The following PPFIA2 variants were observed in gnomAD, a reference collection of about 807,000 sequenced individuals.
PPFIA2 encodes the protein liprin-alpha-2.
PPFIA2 carries 46 observed loss-of-function variants against 175.5 expected under a neutral mutation model. The ratio of observed to expected loss-of-function variants is 0.26; its 90% CI spans 0.21 to 0.34. The LOEUF is 0.34. PPFIA2 is among the 10% of genes least tolerant of loss of function. The pLI, the probability that PPFIA2 is intolerant of heterozygous loss-of-function variation, is 1.00. For missense variants in PPFIA2, 1,179 were observed against 1,506.1 expected (o/e 0.78, Z 3.60); for synonymous variants, 568 against 511.4 (o/e 1.11, Z -1.49).
chr12:81,720,345 G>C (rs912030644), intron 3 of PPFIA2, among the ~76,000 whole-genome samples: 1 of 151,490 alleles, frequency 6.6e-6, no homozygotes, highest in Admixed American at 6.6e-5. Context: ...AATACATTTG[G>C]ATCTGCATGT....
intron 20 of PPFIA2, among the ~76,000 whole-genome samples, chr12:81,340,384 C>A (rs953757473): frequency 6.6e-6 from 1 of 152,006 alleles, no homozygotes; most frequent in African/African-American, 2.4e-5. Flanking sequence ...TATGTGTCTA[C>A]AGATGCTGCA....
chr12:81,715,942 AT>A (rs1196175678), intron 3 of PPFIA2, among the ~76,000 whole-genome samples: 1 of 151,610 alleles, frequency 6.6e-6, no homozygotes, highest in Non-Finnish European at 1.5e-5. Context: ...TCACAGTTCA[AT>A]TAAAAACTTT....
At chr12:81,683,105 C>T (rs1025804768) in intron 3 of PPFIA2, among the ~76,000 whole-genome samples, 1 of 151,962 alleles carries the variant, frequency 6.6e-6, no homozygotes, top group Non-Finnish European at 1.5e-5. Flanking sequence ...TGCAATAATG[C>T]AAAATTAAAC....
intron 4 of PPFIA2, among the ~76,000 whole-genome samples, chr12:81,590,724 C>T (rs541080931): frequency 1.3e-5 from 2 of 152,212 alleles, no homozygotes; most frequent in East Asian, 3.9e-4. Context: ...AGCTCTCTCT[C>T]TTTGCCTGCC....
chr12:81,323,098 C>T (rs760197215), intron 22 of PPFIA2, among the ~76,000 whole-genome samples: 6 of 152,076 alleles, frequency 3.9e-5, no homozygotes, highest in Non-Finnish European at 8.8e-5. Context: ...AAGTAACTCC[C>T]CCATATGGCT....
intron 22 of PPFIA2, among the ~76,000 whole-genome samples, chr12:81,305,583 T>G (rs765672617): frequency 1.3e-5 from 2 of 152,166 alleles, no homozygotes; most frequent in Non-Finnish European, 2.9e-5. Context: ...TGACTTTCTC[T>G]CCATTTGGAA....
rs184284721 is a variant in PPFIA2, at chr12:81,711,733, T to C, written c.250-34889A>G. Among the ~76,000 whole-genome samples, 164 of 151,194 alleles carry C rather than the reference T, an allele frequency of 1.1e-3. 1 individual carries two copies. The highest frequency in any genetic ancestry group is 3.4e-3 in the Middle Eastern group (1 of 294). On this transcript the variant is annotated intron_variant, in intron 3 of 32. Transcript: ENST00000549396. ...CTACTAAAAGGCACACAAGTGTATC[T>C]TTCCGTCTCTGTGGTGAAGCTTCTC...
In PPFIA2 at chr12:81,604,568, A is replaced by G. The variant is rs565390114; in HGVS notation, c.303+72223T>C. 8.0e-5 allele frequency among the ~76,000 whole-genome samples: 12 copies of G among 149,736 alleles called. 1 individual carries two copies. In the South Asian group the frequency reaches 2.5e-3, roughly 31 times the overall value. On this transcript the variant is annotated intron_variant, in intron 4 of 32. Coordinates refer to ENST00000549396, the MANE Select transcript of PPFIA2 (RefSeq NM_003625.5). Reference sequence around the variant, plus strand: ...TTCATTCTTAGTTTGATTGCTTTCAATTTATCATAAAACTATTTCAATCGA... The same window carrying G: ...TTCATTCTTAGTTTGATTGCTTTCAGTTTATCATAAAACTATTTCAATCGA...
chr12:81,378,128 G>A (rs929374676), intron 9 of PPFIA2: 3 of 152,166 alleles, frequency 2.0e-5, no homozygotes, highest in African/African-American at 7.2e-5. Context: ...AAGGGGGGAA[G>A]AAGAAATCTC....
At chr12:81,515,031 A>G (rs2062240202) in intron 4 of PPFIA2, among the ~76,000 whole-genome samples, 1 of 151,958 alleles carries the variant, frequency 6.6e-6, no homozygotes, top group Non-Finnish European at 1.5e-5. Context: ...ATTTAATGAG[A>G]GAGAAAGTAT....
chr12:81,756,775 G>A (rs2084743929), intron 2 of PPFIA2, among the ~76,000 whole-genome samples: 1 of 152,088 alleles, frequency 6.6e-6, no homozygotes, highest in Non-Finnish European at 1.5e-5. Context: ...ATTATAAAGT[G>A]ATCAACATTA....
chr12:81,339,192 G>C lies in PPFIA2; in HGVS notation c.2536C>G (p.Leu846Val). 6.3e-7 allele frequency: 1 copy of C among 1,599,622 alleles called. No homozygotes were observed. The highest frequency in any genetic ancestry group is 8.5e-7 in the Non-Finnish European group (1 of 1,173,338). The change falls in exon 21 of 33, where the codon CTT (leucine) becomes GTT (valine). Residue 846 changes from leucine to valine, a missense_variant. Physicochemically the swap from Leu to Val is conservative, Grantham distance 32 (BLOSUM62 1). This residue lies in a region of PPFIA2 where 223 missense variants were observed against 241.6 expected (regional missense o/e 0.92). Transcript: ENST00000549396. ...RLFGKKEKAR[L>V]GQLRGFMETE... ...CATGCATACTTACGGAGCTGCCCAA[G>C]TCGAGCTTTTTCTTTTTTACCAAAC...
intron 4 of PPFIA2, among the ~76,000 whole-genome samples, chr12:81,524,292 C>A (rs2063494685): frequency 6.6e-6 from 1 of 152,124 alleles, no homozygotes; most frequent in Admixed American, 6.5e-5. Context: ...CCAGCAAAAC[C>A]AAGCAGGGAT....
At chr12:81,473,985 A>C (rs1359479151) in intron 4 of PPFIA2, among the ~76,000 whole-genome samples, 1 of 152,158 alleles carries the variant, frequency 6.6e-6, no homozygotes, top group Non-Finnish European at 1.5e-5. Flanking sequence ...GTGTATTCAG[A>C]TGTTCTTTCT....
rs138217978 is a variant in PPFIA2 at position 81,390,646 on chromosome 12, C to T, written c.763-6402G>A. ...TACATGTATTTTTATTGTTGATTTA[C>T]ATGAATTTTTTACATATATTTTGAT... On this transcript the variant is annotated intron_variant, in intron 8 of 32. Coordinates refer to ENST00000549396, the MANE Select transcript of PPFIA2 (RefSeq NM_003625.5). Among the ~76,000 whole-genome samples the T allele has an allele frequency of 2.0e-3, 302 of 152,008 alleles. 3 individuals carry two copies. The highest frequency in any genetic ancestry group is 6.8e-3 in the African/African-American group (283 of 41,512).
intron 4 of PPFIA2, among the ~76,000 whole-genome samples, chr12:81,586,136 T>C (rs1413123241): frequency 2.6e-5 from 4 of 152,008 alleles, no homozygotes; most frequent in Non-Finnish European, 5.9e-5. Context: ...CTGTTGCTTT[T>C]GCATTAATTT....
At chr12:81,443,167 C>G (rs1311419505) in intron 6 of PPFIA2, among the ~76,000 whole-genome samples, 1 of 151,854 alleles carries the variant, frequency 6.6e-6, no homozygotes, top group Non-Finnish European at 1.5e-5. Flanking sequence ...ATGCTAAGCA[C>G]TGGCTGAAAG....
intron 4 of PPFIA2, among the ~76,000 whole-genome samples, chr12:81,594,484 T>G (rs1003496995): frequency 6.6e-6 from 1 of 152,144 alleles, no homozygotes; most frequent in Non-Finnish European, 1.5e-5. Flanking sequence ...ATTCCTTTGG[T>G]TTGAAGAAAT....
At chr12:81,528,687 G>A (rs1459022067) in intron 4 of PPFIA2, among the ~76,000 whole-genome samples, 3 of 151,960 alleles carry the variant, frequency 2.0e-5, no homozygotes, top group Non-Finnish European at 4.4e-5. Context: ...ATCTACAAAT[G>A]TGTTGTGAAA....
Sources: gnomAD v4.1 joint callset for allele counts (sites outside exome capture counted in the v4.1 genomes callset) on GRCh38, gnomAD v4.1.1 for gene constraint, gnomAD v4.1.1 regional missense constraint, MANE v1.5 for transcripts, NCBI Gene and HGNC (gene_info 2026-07-23, HGNC 2026-07-21) for gene names.